Variants in C8orf88 observed in about 807,000 individuals in gnomAD.
C8orf88 encodes chromosome 8 open reading frame 88.
C8orf88 carries 14 observed loss-of-function variants against 18.4 expected under a neutral mutation model. The observed-to-expected ratio is 0.76, with a 90% CI of 0.50 to 1.19. The LOEUF is 1.19. Ranked by LOEUF, C8orf88 falls within the 50% of genes most tolerant of loss-of-function variation. The pLI is 0.00. For synonymous variants in C8orf88, 45 were observed against 42.9 expected, an observed-to-expected ratio of 1.05 and a Z score of -0.19; for missense variants, 116 against 134.7, an observed-to-expected ratio of 0.86 and a Z score of 0.69.
Position 90,980,542 on chromosome 8 carries a change from T to G in C8orf88, c.-26-81A>C, listed in dbSNP as rs985527276. ...ACATGTATACAAATAACTACATCTT[T>G]TTTTAAGATGCCTATTTTACAAGTT... On this transcript the variant is annotated intron_variant, in intron 1 of 5. Transcript: ENST00000517562. The G allele has an allele frequency of 2.2e-5, 12 of 544,308 alleles. No individual in the cohort carries two copies. The African/African-American group carries it at 2.3e-4, about 11-fold the overall frequency. The allele number at this position is 544,308 out of a possible 1,614,324, so 33.7% of individuals were successfully genotyped here. A position where few individuals can be genotyped will look rare whatever the true frequency, so the allele number is the denominator to read the frequency against.
intron 2 of C8orf88, among the ~76,000 whole-genome samples, chr8:90,979,066 G>A (rs949663635): frequency 1.4e-4 from 22 of 152,206 alleles, no homozygotes; most frequent in African/African-American, 5.3e-4. Context: ...AGAGATCTGA[G>A]ATGGCCAGGG....
chr8:90,976,449 A>G (rs1366052513), intron 3 of C8orf88, among the ~76,000 whole-genome samples: 2 of 152,114 alleles, frequency 1.3e-5, no homozygotes, highest in South Asian at 2.1e-4. Context: ...AATTTTTTAC[A>G]TATAAAGTGA....
rs181444031 is a variant in C8orf88, at chr8:90,981,631, A to T, written c.-26-1170T>A. Among the ~76,000 whole-genome samples the T allele has an allele frequency of 9.9e-4, 151 of 152,306 alleles. 1 individual carries two copies. The highest frequency in any genetic ancestry group is 3.1e-3 in the African/African-American group (127 of 41,578). ...TATCACTTTTTCTAAAATATATCAC[A>T]GTAAATATATTACATGTCTACTTAT... On this transcript the variant is annotated intron_variant, in intron 1 of 5. Coordinates refer to ENST00000517562, the MANE Select transcript of C8orf88 (RefSeq NM_001190972.2).
chr8:90,981,822 C>T (rs182757192), intron 1 of C8orf88, among the ~76,000 whole-genome samples: 1 of 152,144 alleles, frequency 6.6e-6, no homozygotes. Flanking sequence ...AATTTTGATG[C>T]CCATCAAGAC....
chr8:90,981,028 C>T (rs756902207), intron 1 of C8orf88, among the ~76,000 whole-genome samples: 18 of 152,142 alleles, frequency 1.2e-4, no homozygotes, highest in Admixed American at 2.0e-4. Context: ...TCTATGCTCA[C>T]GGCTGCAACC....
At chr8:90,968,213 A>G (rs1375413937) in intron 4 of C8orf88, among the ~76,000 whole-genome samples, 2 of 151,778 alleles carry the variant, frequency 1.3e-5, no homozygotes, top group African/African-American at 4.8e-5. Flanking sequence ...GTACTGACAT[A>G]AGGGCAGGCA....
At chr8:90,982,351 T>C (rs1250322928) in intron 1 of C8orf88, among the ~76,000 whole-genome samples, 1 of 152,202 alleles carries the variant, frequency 6.6e-6, no homozygotes, top group African/African-American at 2.4e-5. Context: ...CTTTATTTGA[T>C]GTTTATCCTA....
At chr8:90,959,053 AATTT>A in intron 5 of C8orf88, 23 bp from the exon 6 acceptor site, 1 of 1,125,792 alleles carries the variant, frequency 8.9e-7, no homozygotes, top group South Asian at 1.5e-5. Flanking sequence ...AGAAAAAGTT[AATTT>A]ATCAATTGAT....
intron 4 of C8orf88, among the ~76,000 whole-genome samples, chr8:90,966,088 T>C (rs1811191382): frequency 1.3e-5 from 2 of 151,294 alleles, no homozygotes; most frequent in Admixed American, 1.3e-4. Flanking sequence ...AAATCAAAAG[T>C]TGGTTTTTTC....
At chr8:90,960,038 A>T (rs1351323961) in intron 5 of C8orf88, among the ~76,000 whole-genome samples, 1 of 151,430 alleles carries the variant, frequency 6.6e-6, no homozygotes, top group African/African-American at 2.4e-5. Context: ...CAGCAATTCA[A>T]TGAGGTTAAG....
chr8:90,984,966 G>A (rs2631023), intron 1 of C8orf88, 148 bp downstream of exon 1: 73,337 of 152,024 alleles, frequency 0.48, 20,720 homozygotes, highest in Non-Finnish European at 0.64. Flanking sequence ...AAGGGGCCCT[G>A]AGAGATTTCC....
At chr8:90,974,040 G>A (rs751724539) in intron 3 of C8orf88, among the ~76,000 whole-genome samples, 1 of 152,038 alleles carries the variant, frequency 6.6e-6, no homozygotes, top group Non-Finnish European at 1.5e-5. Context: ...AAATAAAAAA[G>A]CCTATAGAAG....
intron 3 of C8orf88, among the ~76,000 whole-genome samples, chr8:90,977,389 CTAACTT>C (rs1563555202): frequency 6.6e-6 from 1 of 152,048 alleles, no homozygotes; most frequent in Non-Finnish European, 1.5e-5. Context: ...TAATTCTACT[CTAACTT>C]TATGCCACAG....
Position 90,978,652 on chromosome 8 carries a change from C to T in C8orf88, c.74G>A (p.Gly25Glu), listed in dbSNP as rs751464056. 15 of 1,513,300 alleles carry T rather than the reference C, an allele frequency of 9.9e-6. No individual in the cohort carries two copies. The South Asian group carries it at 1.7e-4, about 18-fold the overall frequency. The allele number at this position is 1,513,300 out of a possible 1,614,324, so 93.7% of individuals were successfully genotyped here. Residue 25 changes from glycine (G) to glutamate (E), a missense_variant and splice_region_variant, in exon 3 of 6, where the codon GGA (glycine) becomes GAA (glutamate). Gly to Glu is a moderately conservative substitution (Grantham distance 98). Coordinates refer to ENST00000517562, the MANE Select transcript of C8orf88 (RefSeq NM_001190972.2). ...RPVRHLTSPP[G>E]AVFPFNFQNE... ...TTGAAAGTTGAAAGGGAACACTGCT[C>T]CTGTTAGGAGAGGAAGAAAACAATT...
chr8:90,984,193 A>T (rs1346114780), intron 1 of C8orf88, among the ~76,000 whole-genome samples: 1 of 152,240 alleles, frequency 6.6e-6, no homozygotes, highest in Non-Finnish European at 1.5e-5. Flanking sequence ...GTTGAGAAAT[A>T]AGATCATATA....
At chr8:90,979,389 C>T (rs1455812823) in intron 2 of C8orf88, among the ~76,000 whole-genome samples, 2 of 152,200 alleles carry the variant, frequency 1.3e-5, no homozygotes, top group Non-Finnish European at 2.9e-5. Context: ...CTTGACCCTA[C>T]ACAACCGCTT....
chr8:90,964,546 C>T (rs1455178544), intron 4 of C8orf88, among the ~76,000 whole-genome samples: 1 of 151,534 alleles, frequency 6.6e-6, no homozygotes, highest in African/African-American at 2.4e-5. Flanking sequence ...AAGGATAGTA[C>T]ACAACTAAAA....
intron 2 of C8orf88, among the ~76,000 whole-genome samples, chr8:90,979,292 G>C (rs141322436): frequency 3.3e-5 from 5 of 152,134 alleles, no homozygotes; most frequent in Non-Finnish European, 7.3e-5. Context: ...GAGATGAAGG[G>C]GGGTGGGAGT....
At chr8:90,982,048 A>G (rs974322676) in intron 1 of C8orf88, among the ~76,000 whole-genome samples, 8 of 152,134 alleles carry the variant, frequency 5.3e-5, no homozygotes, top group African/African-American at 1.4e-4. Flanking sequence ...CTTATAAACA[A>G]CCTCTCAAAA....
Sources: allele counts gnomAD v4.1 joint callset (sites outside exome capture counted in the v4.1 genomes callset), GRCh38; gene constraint gnomAD v4.1.1; transcripts MANE v1.5; gene names NCBI Gene and HGNC (gene_info 2026-07-23, HGNC 2026-07-21).